The following KAT6A variants were observed in gnomAD, a reference collection of about 807,000 sequenced individuals.
KAT6A encodes lysine acetyltransferase 6A, also known as histone acetyltransferase KAT6A.
Under a neutral mutation model 198.4 loss-of-function variants are expected in KAT6A, and 9 were observed. The observed-to-expected ratio is 0.05, with a 90% CI of 0.03 to 0.08. The LOEUF (loss-of-function observed/expected upper bound fraction) is 0.08. KAT6A is among the 10% of genes least tolerant of loss of function. The probability of loss-of-function intolerance (pLI) is 1.00; values close to 1 mark genes in which losing one functional copy is unlikely to be tolerated. For synonymous variants in KAT6A, 890 were observed against 883.0 expected (o/e 1.01, Z -0.14); for missense variants, 2,077 against 2,509.9 (o/e 0.83, Z 3.69).
Position 41,930,796 on chromosome 8 carries a change from T to C in KAT6A, c.*1409A>G, listed in dbSNP as rs1206646978. 1 of 179,096 alleles carries C rather than the reference T, an allele frequency of 5.6e-6. No homozygotes were observed. The highest frequency in any genetic ancestry group is 1.2e-5 in the Non-Finnish European group (1 of 86,688). The allele number at this position is 179,096 out of a possible 1,614,324, so 11.1% of individuals were successfully genotyped here. A position where few individuals can be genotyped will look rare whatever the true frequency, so the allele number is the denominator to read the frequency against. On this transcript the variant is annotated 3_prime_UTR_variant, in exon 17 of 17. Coordinates refer to ENST00000265713, the MANE Select transcript of KAT6A (RefSeq NM_006766.5). ...AGTAATAGGAAGAGAATGGGCAAAC[T>C]GGTTGCACGAGAGAAAAGAGAATGG...
At chr8:42,009,994 A>T (rs546351214) in intron 2 of KAT6A, among the ~76,000 whole-genome samples, 15 of 151,908 alleles carry the variant, frequency 9.9e-5, no homozygotes, top group African/African-American at 2.9e-4. Context: ...CCAACAGAAA[A>T]AAATAAATAA....
intron 2 of KAT6A, among the ~76,000 whole-genome samples, chr8:42,028,875 T>C (rs529994106): frequency 6.6e-6 from 1 of 152,362 alleles, no homozygotes; most frequent in Admixed American, 6.5e-5. Flanking sequence ...TTCATTTGTA[T>C]GTCTGCTCTT....
chr8:41,992,309 G>A (rs1301652206), intron 2 of KAT6A, among the ~76,000 whole-genome samples: 3 of 152,202 alleles, frequency 2.0e-5, no homozygotes, highest in African/African-American at 7.2e-5. Flanking sequence ...TAAAGTCACA[G>A]GACCAACAAA....
At chr8:41,985,812 G>A (rs1824572931) in intron 3 of KAT6A, among the ~76,000 whole-genome samples, 1 of 152,178 alleles carries the variant, frequency 6.6e-6, no homozygotes, top group Admixed American at 6.5e-5. Context: ...AGTATGTAGT[G>A]TGGTTTCTGT....
At chr8:42,042,042 G>A (rs1587861146) in intron 2 of KAT6A, among the ~76,000 whole-genome samples, 1 of 152,256 alleles carries the variant, frequency 6.6e-6, no homozygotes, top group East Asian at 1.9e-4. Context: ...GCTTATATTG[G>A]TTAACAATTT....
chr8:42,006,847 T>C (rs1187182104), intron 2 of KAT6A, among the ~76,000 whole-genome samples: 1 of 151,798 alleles, frequency 6.6e-6, no homozygotes, highest in African/African-American at 2.4e-5. Context: ...AATACAAAAA[T>C]TAGCTGGGCA....
intron 2 of KAT6A, among the ~76,000 whole-genome samples, chr8:42,028,513 C>T (rs1482215206): frequency 2.0e-5 from 3 of 152,182 alleles, no homozygotes; most frequent in Middle Eastern, 3.4e-3. Flanking sequence ...TTGCAGTTTT[C>T]GACTTAATGT....
At chr8:41,978,814 G>A (rs1824202017) in intron 5 of KAT6A, 37 bp from the exon 6 acceptor site, 1 of 1,591,632 alleles carries the variant, frequency 6.3e-7, no homozygotes, top group Non-Finnish European at 8.6e-7. Context: ...AAGTGTGACA[G>A]ACATAAATAC....
chr8:42,049,697 T>G (rs979597068), intron 1 of KAT6A: 1 of 152,326 alleles, frequency 6.6e-6, no homozygotes, highest in African/African-American at 2.4e-5. Flanking sequence ...TCTGGATTAG[T>G]AGAAAGAATC....
At chr8:41,997,401 G>A (rs1317635591) in intron 2 of KAT6A, among the ~76,000 whole-genome samples, 2 of 151,972 alleles carry the variant, frequency 1.3e-5, no homozygotes, top group South Asian at 4.2e-4. Flanking sequence ...AAATATAATT[G>A]TAGCCCATCA....
chr8:41,981,205 C>G (rs1444877898), intron 4 of KAT6A, among the ~76,000 whole-genome samples: 1 of 152,164 alleles, frequency 6.6e-6, no homozygotes, highest in Admixed American at 6.5e-5. Context: ...GTAATCCCAG[C>G]TACTCAGAAG....
At chr8:42,050,185 A>C (rs1274425562) in intron 1 of KAT6A, among the ~76,000 whole-genome samples, 1 of 152,240 alleles carries the variant, frequency 6.6e-6, no homozygotes, top group Admixed American at 6.5e-5. Flanking sequence ...ACTAAAGAGA[A>C]GCCCAAATAA....
intron 2 of KAT6A, among the ~76,000 whole-genome samples, chr8:42,044,261 G>A (rs531127846): frequency 5.3e-5 from 8 of 151,838 alleles, no homozygotes; most frequent in African/African-American, 9.7e-5. Context: ...CCATCATGCC[G>A]GGCTGATTTT....
intron 5 of KAT6A, among the ~76,000 whole-genome samples, chr8:41,980,524 A>G (rs1824297891): frequency 6.6e-6 from 1 of 152,186 alleles, no homozygotes; most frequent in East Asian, 1.9e-4. Context: ...CCTCCTTTCA[A>G]TAAAGAGATA....
At position 41,949,373 on chromosome 8, in the gene KAT6A, A is replaced by G. The variant is rs144973262; in HGVS notation, c.1599-10T>C. 52 of 1,477,370 alleles carry G rather than the reference A, an allele frequency of 3.5e-5. No individual in the cohort carries two copies. The African/African-American group carries it at 6.4e-4, about 18-fold the overall frequency. The allele number at this position is 1,477,370 out of a possible 1,614,324, so 91.5% of individuals were successfully genotyped here. A position where few individuals can be genotyped will look rare whatever the true frequency, so the allele number is the denominator to read the frequency against. ...ATACAATTTGGGCAGCCTGTAAACGATAATTAAACAAAAAAGACAGGGCTT... is the reference window on the plus strand; with the variant it reads ...ATACAATTTGGGCAGCCTGTAAACGGTAATTAAACAAAAAAGACAGGGCTT... On this transcript the variant is annotated splice_polypyrimidine_tract_variant and intron_variant, in intron 9 of 16. Coordinates refer to ENST00000265713, the MANE Select transcript of KAT6A (RefSeq NM_006766.5).
In KAT6A at chr8:41,934,412, C is replaced by T. The variant is rs780558768; in HGVS notation, c.3808G>A (p.Val1270Met). 6.2e-7 allele frequency: 1 copy of T among 1,612,050 alleles called. No individual in the cohort carries two copies. Among genetic ancestry groups the T allele is most frequent in the Non-Finnish European group, 8.5e-7 (1 of 1,179,048 alleles). ...SPETETKEPE[V>M]EEEEEKPRVS... ...CGGGGCTTCTCTTCTTCCTCCTCCA[C>T]CTCAGGCTCCTTGGTTTCGGTCTCA... is the stretch of plus-strand genomic sequence containing the variant. The change falls in exon 17 of 17, where the codon GTG becomes ATG. Residue 1270 changes from valine (V) to methionine (M), a missense_variant. Val to Met is a conservative substitution (Grantham distance 21). Transcript: ENST00000265713.
chr8:42,015,865 CAA>C (rs1489904988), intron 2 of KAT6A, among the ~76,000 whole-genome samples: 2 of 152,122 alleles, frequency 1.3e-5, no homozygotes, highest in Non-Finnish European at 2.9e-5. Flanking sequence ...TTAAAAATAG[CAA>C]AGTTTGCTCA....
chr8:41,946,571 GAAATT>G lies in KAT6A; in HGVS notation c.1996+15_1996+19del. The G allele has an allele frequency of 7.5e-7, 1 of 1,337,668 alleles. No homozygotes were observed. Among genetic ancestry groups the G allele is most frequent in the South Asian group, 1.2e-5 (1 of 85,616 alleles). 82.9% of individuals were successfully genotyped at this position (1,337,668 alleles called of 1,614,324 possible). ...AAGGTCCACTGGAAAAGACCAATGA[GAAATT>G]AATATAATCCTTACTGAAATCGATG... On this transcript the variant is annotated intron_variant, in intron 12 of 16. Transcript: ENST00000265713.
intron 15 of KAT6A, 75 bp from the exon 16 acceptor site, chr8:41,937,643 A>G: frequency 8.3e-7 from 1 of 1,201,246 alleles, no homozygotes; most frequent in Non-Finnish European, 1.2e-6. Context: ...AACAGTTTTA[A>G]AACCAAATAG....
Sources: gnomAD v4.1 joint callset for allele counts (sites outside exome capture counted in the v4.1 genomes callset) on GRCh38, gnomAD v4.1.1 for gene constraint, MANE v1.5 for transcripts, NCBI Gene and HGNC (gene_info 2026-07-23, HGNC 2026-07-21) for gene names.